CELSR3: variants seen among roughly 807,000 people sequenced by gnomAD.
CELSR3 encodes EGF-like protein 1.
In CELSR3, 73 loss-of-function variants were observed where a neutral mutation model predicts 270.0. That is an observed-to-expected ratio of 0.27 (90% CI 0.22 to 0.33). The LOEUF (loss-of-function observed/expected upper bound fraction) is 0.33. Ranked by LOEUF, CELSR3 falls within the 10% of genes least tolerant of loss-of-function variation. The pLI is 1.00. For synonymous variants in CELSR3, 1,780 were observed against 1,905.4 expected, an observed-to-expected ratio of 0.93 and a Z score of 1.71; for missense variants, 3,614 against 4,533.8, an observed-to-expected ratio of 0.80 and a Z score of 5.83.
chr3:48,647,858 C>T lies in CELSR3; in HGVS notation c.7112G>A (p.Arg2371Gln), dbSNP rs763911295. The T allele has an allele frequency of 1.4e-5, 23 of 1,610,264 alleles. No homozygotes were observed. In the South Asian group the frequency reaches 2.3e-4, roughly 16 times the overall value. The change falls in exon 20 of 35, where the codon CGG (arginine) becomes CAG (glutamine). Residue 2371 changes from arginine to glutamine, a missense_variant. Around this residue, in one of 7 missense-constraint regions of CELSR3, gnomAD observed 1,240 missense variants for 1,351.7 expected, o/e 0.92. Transcript: ENST00000164024. ...GCTCTCACCTTCAGATGGGGATGGC[C>T]GTGGGGACTGGGAAGGCAGCAGCAC... The part of the protein sequence containing the change: ...THVLLPSQSP[R>Q]PSPSEVLPTS...
rs753210248 is a variant in CELSR3 at position 48,652,705 on chromosome 3, G to A, written c.5635-152C>T. 15 of 650,066 alleles carry A rather than the reference G, an allele frequency of 2.3e-5. No homozygotes were observed. Among genetic ancestry groups the A allele is most frequent in the East Asian group, 5.5e-5 (2 of 36,084 alleles). The allele number at this position is 650,066 out of a possible 1,614,324, so 40.3% of individuals were successfully genotyped here. A position where few individuals can be genotyped will look rare whatever the true frequency, so the allele number is the denominator to read the frequency against. On this transcript the variant is annotated intron_variant, in intron 10 of 34. Coordinates refer to ENST00000164024, the MANE Select transcript of CELSR3 (RefSeq NM_001407.3). This position sits in a 1 kb window ranked among gnomAD's most constrained non-coding sequence, Gnocchi z 4.3. ...ACCTTAATATTGCTTGATTTTGACC[G>A]GGGGTGGGTAGAGACTGGGGCAGAG...
rs2046980284 is a variant in CELSR3 at position 48,637,298 on chromosome 3, G to C, written c.*907C>G. On this transcript the variant is annotated 3_prime_UTR_variant, in exon 35 of 35. Coordinates refer to ENST00000164024, the MANE Select transcript of CELSR3 (RefSeq NM_001407.3). Reference sequence around the variant, plus strand: ...CAGTGGCACCTACATTCTGGGTCTTGAATTCCCTTGTTTCTGCTCCCTTTG... The same window carrying C: ...CAGTGGCACCTACATTCTGGGTCTTCAATTCCCTTGTTTCTGCTCCCTTTG... 1 of 152,604 alleles carries C rather than the reference G, an allele frequency of 6.6e-6. No homozygotes were observed. Among genetic ancestry groups the C allele is most frequent in the Non-Finnish European group, 1.5e-5 (1 of 68,030 alleles). 9.5% of individuals were successfully genotyped at this position (152,604 alleles called of 1,614,324 possible). A position where few individuals can be genotyped will look rare whatever the true frequency, so the allele number is the denominator to read the frequency against.
At chr3:48,647,645 A>G (rs1575541321) in intron 20 of CELSR3, among the ~76,000 whole-genome samples, 196 bp downstream of exon 20, 1 of 19,536 alleles carries the variant, frequency 5.1e-5, no homozygotes, top group African/African-American at 2.3e-4. Context: ...GGTGGAGGGG[A>G]GATGTGGGAG....
At position 48,650,502 on chromosome 3, in the gene CELSR3, C is replaced by T. The variant is rs1300262275; in HGVS notation, c.6450G>A (p.Val2150=). 1 of 1,592,070 alleles carries T rather than the reference C, an allele frequency of 6.3e-7. No homozygotes were observed. Among genetic ancestry groups the T allele is most frequent in the Non-Finnish European group, 8.6e-7 (1 of 1,167,888 alleles). Residue 2150 remains valine (V), a synonymous_variant, in exon 16 of 35, where the codon GTG becomes GTA. Transcript: ENST00000164024. The surrounding 1 kb of genome is among the most constrained non-coding windows in gnomAD (Gnocchi z 5.1). ...PQTKFGVLAT[V]PCPRGALGAA... is the part of the protein sequence containing the mutation. ...CACCCAGGGCCCCCCGGGGACAGGG[C>T]ACTGTGGCCAGGACGCCAAACTTTG...
Position 48,655,856 on chromosome 3 carries a change from G to A in CELSR3, c.4626-5C>T. Reference sequence around the variant, plus strand: ...CTCTGCTGCACTGTCGCGAACCTGGGCGGGGTGGGAGGGGGTTGCGGGGGT... The same window carrying A: ...CTCTGCTGCACTGTCGCGAACCTGGACGGGGTGGGAGGGGGTTGCGGGGGT... On this transcript the variant is annotated splice_region_variant and splice_polypyrimidine_tract_variant and intron_variant, in intron 3 of 34. Transcript: ENST00000164024. This position sits in a 1 kb window ranked among gnomAD's most constrained non-coding sequence, Gnocchi z 5.8. 1.9e-6 allele frequency: 3 copies of A among 1,556,844 alleles called. No individual in the cohort carries two copies. Among genetic ancestry groups the A allele is most frequent in the Non-Finnish European group, 2.7e-6 (3 of 1,130,482 alleles).
rs1036786283 is a variant in CELSR3 at position 48,661,363 on chromosome 3, GGCT to G, written c.1269_1271del (p.Ala424del). On this transcript the variant is annotated inframe_deletion, in exon 1 of 35. Transcript: ENST00000164024. ...AAACCGGCGAGTGGTCGTTGCGGTC[GGCT>G]ACTGTCACGGCCACCATCGTGGTGG... 1 of 1,612,748 alleles carries G rather than the reference GGCT, an allele frequency of 6.2e-7. No homozygotes were observed. The highest frequency in any genetic ancestry group is 8.5e-7 in the Non-Finnish European group (1 of 1,179,866).
rs1050853900 is a variant in CELSR3, at chr3:48,639,657, G to A, written c.9911+17C>T. On this transcript the variant is annotated intron_variant, in intron 34 of 34. Transcript: ENST00000164024. The surrounding 1 kb of genome is among the most constrained non-coding windows in gnomAD (Gnocchi z 4.1). ...TAAGCTGATGAGGGTGCAAGCAGGT[G>A]GCTGGACCATACTTACTCTGAGTCT... 1 of 1,612,294 alleles carries A rather than the reference G, an allele frequency of 6.2e-7. No homozygotes were observed. Among genetic ancestry groups the A allele is most frequent in the Admixed American group, 1.7e-5 (1 of 60,002 alleles).
rs774054515 is a variant in CELSR3, at chr3:48,650,517, G to C, written c.6435C>G (p.Gly2145=). ...GGGGACAGGGCACTGTGGCCAGGACGCCAAACTTTGTCTGGGGCCACCACA... is the reference window on the plus strand; with the variant it reads ...GGGGACAGGGCACTGTGGCCAGGACCCCAAACTTTGTCTGGGGCCACCACA... ...SGVWWPQTKF[G]VLATVPCPRG... Residue 2145 remains glycine (G), a synonymous_variant, in exon 16 of 35, where the codon GGC becomes GGG. Transcript: ENST00000164024. The surrounding 1 kb of genome is among the most constrained non-coding windows in gnomAD (Gnocchi z 5.1). The C allele has an allele frequency of 6.2e-7, 1 of 1,607,872 alleles. No homozygotes were observed. Among genetic ancestry groups the C allele is most frequent in the African/African-American group, 1.4e-5 (1 of 73,444 alleles).
In CELSR3 at chr3:48,648,256, C is replaced by T; in HGVS notation, c.6973+10G>A. On this transcript the variant is annotated intron_variant, in intron 19 of 34. Transcript: ENST00000164024. ...CTGCTGTGCCCCGCCCTACCCCACC[C>T]ACAACGCACTGATATTAGGCGTCAC... 1 of 1,599,078 alleles carries T rather than the reference C, an allele frequency of 6.3e-7. No individual in the cohort carries two copies. The highest frequency in any genetic ancestry group is 8.5e-7 in the Non-Finnish European group (1 of 1,170,750).
At position 48,655,053 on chromosome 3, in the gene CELSR3, C is replaced by T; in HGVS notation, c.4979G>A (p.Ser1660Asn). The T allele has an allele frequency of 1.9e-6, 3 of 1,613,756 alleles. No homozygotes were observed. The highest frequency in any genetic ancestry group is 2.2e-5 in the South Asian group (2 of 91,080). Residue 1660 changes from serine (S) to asparagine (N), a missense_variant, in exon 6 of 35, where the codon AGC becomes AAC. Transcript: ENST00000164024. This position sits in a 1 kb window ranked among gnomAD's most constrained non-coding sequence, Gnocchi z 5.8. ...YSCAAAGVQT[S>N]SKKSLDLTGP... Reference sequence around the variant, plus strand: ...GGGGCAGGGGCCTCACTTCTTGGAGCTTGTTTGCACACCAGCAGCCGCGCA... The same window carrying T: ...GGGGCAGGGGCCTCACTTCTTGGAGTTTGTTTGCACACCAGCAGCCGCGCA...
rs377387303 is a variant in CELSR3 at position 48,660,952 on chromosome 3, G to A, written c.1683C>T (p.His561=). The change falls in exon 1 of 35, where the codon CAC becomes CAT. Residue 561 remains histidine, a synonymous_variant. Coordinates refer to ENST00000164024, the MANE Select transcript of CELSR3 (RefSeq NM_001407.3). This position sits in a 1 kb window ranked among gnomAD's most constrained non-coding sequence, Gnocchi z 5.5. The part of the protein sequence containing the change: ...VAQVREDVRP[H]TVVLRVTATD... ...TGGCCGTGACGCGCAGCACGACTGT[G>A]TGGGGGCGCACATCCTCGCGCACCT... 1.9e-6 allele frequency: 3 copies of A among 1,613,908 alleles called. No homozygotes were observed. In the African/African-American group the frequency reaches 4.0e-5, roughly 21 times the overall value.
At position 48,662,642 on chromosome 3, in the gene CELSR3, C is replaced by A; in HGVS notation, c.-8G>T. ...CGGCCGCCTCGCCATCATCCCCCGC[C>A]TCCCTGCACGGCCTCCACCGCCCCC... On this transcript the variant is annotated 5_prime_UTR_variant, in exon 1 of 35. The change creates a new upstream start codon in the 5' untranslated region. Coordinates refer to ENST00000164024, the MANE Select transcript of CELSR3 (RefSeq NM_001407.3). This position sits in a 1 kb window ranked among gnomAD's most constrained non-coding sequence, Gnocchi z 7.1. The A allele has an allele frequency of 7.5e-7, 1 of 1,341,450 alleles. No individual in the cohort carries two copies. The highest frequency in any genetic ancestry group is 9.9e-7 in the Non-Finnish European group (1 of 1,010,488). 83.1% of individuals were successfully genotyped at this position (1,341,450 alleles called of 1,614,324 possible).
Position 48,658,832 on chromosome 3 carries a change from C to G in CELSR3, c.3748+55G>C. 1 of 1,584,926 alleles carries G rather than the reference C, an allele frequency of 6.3e-7. No individual in the cohort carries two copies. The highest frequency in any genetic ancestry group is 1.7e-4 in the Middle Eastern group (1 of 5,906). Reference sequence around the variant, plus strand: ...TGGTTTGAGGTGCCCTGTGGAGTCCCTGAGGCCCAACAGGTTGGTGTCACT... The same window carrying G: ...TGGTTTGAGGTGCCCTGTGGAGTCCGTGAGGCCCAACAGGTTGGTGTCACT... On this transcript the variant is annotated intron_variant, in intron 1 of 34. Transcript: ENST00000164024. The surrounding 1 kb of genome is among the most constrained non-coding windows in gnomAD (Gnocchi z 4.7).
chr3:48,642,795 G>A lies in CELSR3; in HGVS notation c.8496C>T (p.Ser2832=). ...CCTGGGTCCGGCCGGAGCGGGCACT[G>A]CTCACAGAGGAGACGGTGGAGGCGC... ...TLGASTVSSV[S]SARSGRTQDQ... is the part of the protein sequence containing the mutation. The change falls in exon 30 of 35, where the codon AGC becomes AGT. Residue 2832 remains serine, a synonymous_variant. Coordinates refer to ENST00000164024, the MANE Select transcript of CELSR3 (RefSeq NM_001407.3). The surrounding 1 kb of genome is among the most constrained non-coding windows in gnomAD (Gnocchi z 6.1). The A allele has an allele frequency of 6.2e-7, 1 of 1,613,006 alleles. No individual in the cohort carries two copies. Among genetic ancestry groups the A allele is most frequent in the Non-Finnish European group, 8.5e-7 (1 of 1,179,968 alleles).
chr3:48,638,314 C>A (rs1453218323), intron 34 of CELSR3, 82 bp from the exon 35 acceptor site: 1 of 1,024,056 alleles, frequency 9.8e-7, no homozygotes, highest in Admixed American at 1.7e-5. Flanking sequence ...CCACATTTGG[C>A]CTGGCTGCTT....
intron 18 of CELSR3, 59 bp downstream of exon 18, chr3:48,648,660 G>C: frequency 6.4e-7 from 1 of 1,563,430 alleles, no homozygotes; most frequent in South Asian, 1.1e-5. Context: ...TGGGGATCCA[G>C]GGGCAGGAGG....
In CELSR3 at chr3:48,649,104, G is replaced by C. The variant is rs752228575; in HGVS notation, c.6567+17C>G. 2 of 1,606,590 alleles carry C rather than the reference G, an allele frequency of 1.2e-6. No individual in the cohort carries two copies. Among genetic ancestry groups the C allele is most frequent in the South Asian group, 2.2e-5 (2 of 89,962 alleles). On this transcript the variant is annotated intron_variant, in intron 17 of 34. Transcript: ENST00000164024. ...AGGAAGGTCTTAGGTTGCAGGAAAAGGTCTGGGCAGTCTCACCAGCAGACT... is the reference window on the plus strand; with the variant it reads ...AGGAAGGTCTTAGGTTGCAGGAAAACGTCTGGGCAGTCTCACCAGCAGACT...
rs1423898334 is a variant in CELSR3, at chr3:48,641,182, A to G, written c.9025+142T>C. ...ACAGGAGCAGTCCCTGAGGACCGTG[A>G]AGCAGGCTAGAGAAGCAGAAGCGCC... is the stretch of plus-strand genomic sequence containing the variant. On this transcript the variant is annotated intron_variant, in intron 33 of 34. Coordinates refer to ENST00000164024, the MANE Select transcript of CELSR3 (RefSeq NM_001407.3). This position sits in a 1 kb window ranked among gnomAD's most constrained non-coding sequence, Gnocchi z 4.8. The G allele has an allele frequency of 3.0e-6, 2 of 664,142 alleles. No homozygotes were observed. Among genetic ancestry groups the G allele is most frequent in the African/African-American group, 3.6e-5 (2 of 55,348 alleles). 41.1% of individuals were successfully genotyped at this position (664,142 alleles called of 1,614,324 possible). A position where few individuals can be genotyped will look rare whatever the true frequency, so the allele number is the denominator to read the frequency against.
intron 2 of CELSR3, 149 bp downstream of exon 2, chr3:48,656,549 C>T (rs2077023653): frequency 1.6e-6 from 2 of 1,234,906 alleles, no homozygotes; most frequent in South Asian, 1.8e-5. Context: ...GGCGGCGGCC[C>T]CTTCCGGCCA....
Sources: allele counts gnomAD v4.1 joint callset (sites outside exome capture counted in the v4.1 genomes callset), GRCh38; gene constraint gnomAD v4.1.1; regional missense constraint gnomAD v4.1.1; non-coding constraint Gnocchi (gnomAD v3.1); transcripts MANE v1.5; gene names NCBI Gene and HGNC (gene_info 2026-07-23, HGNC 2026-07-21).